Variants in ACVR2A observed in about 807,000 individuals in gnomAD.
ACVR2A encodes activin receptor type-2A.
ACVR2A carries 7 observed loss-of-function variants against 61.4 expected under a neutral mutation model. That is an observed-to-expected ratio of 0.11 (90% CI 0.06 to 0.21). The LOEUF (loss-of-function observed/expected upper bound fraction) is 0.21, where lower values mean the gene tolerates loss of function less well. Among genes scored for constraint, ACVR2A ranks in the 10% least tolerant of loss-of-function variants. The pLI is 1.00. For synonymous variants in ACVR2A, 193 were observed against 208.3 expected (o/e 0.93, Z 0.63); for missense variants, 322 against 621.7 (o/e 0.52, Z 5.13).
intron 8 of ACVR2A, among the ~76,000 whole-genome samples, chr2:147,920,648 C>T (rs573850104): frequency 2.0e-5 from 3 of 152,074 alleles, no homozygotes; most frequent in East Asian, 1.9e-4. Context: ...GTATGAACTC[C>T]GTAGTTTTAG....
At chr2:147,903,974 A>G (rs1338586870) in intron 4 of ACVR2A, among the ~76,000 whole-genome samples, 1 of 152,034 alleles carries the variant, frequency 6.6e-6, no homozygotes, top group South Asian at 2.1e-4. Context: ...GATTCCTTTA[A>G]TAAACATTCA....
intron 1 of ACVR2A, among the ~76,000 whole-genome samples, chr2:147,863,807 C>T (rs1041261617): frequency 6.6e-6 from 1 of 152,128 alleles, no homozygotes; most frequent in African/African-American, 2.4e-5. Flanking sequence ...AACTGAGTAA[C>T]AGAAGTTGTT....
At chr2:147,915,094 C>A in intron 4 of ACVR2A, 97 bp from the exon 5 acceptor site, 1 of 1,116,656 alleles carries the variant, frequency 9.0e-7, no homozygotes, top group South Asian at 1.4e-5. Context: ...CTGTTTCTGT[C>A]AGTTGACTTT....
At chr2:147,851,688 A>G (rs909734607) in intron 1 of ACVR2A, among the ~76,000 whole-genome samples, 2 of 152,044 alleles carry the variant, frequency 1.3e-5, no homozygotes, top group Admixed American at 6.6e-5. Context: ...CTGTTCATCT[A>G]ACACCTTGTA....
intron 1 of ACVR2A, among the ~76,000 whole-genome samples, chr2:147,858,708 G>C (rs1256771177): frequency 6.6e-6 from 1 of 152,134 alleles, no homozygotes; most frequent in African/African-American, 2.4e-5. Flanking sequence ...AGACATTTTT[G>C]TAAAGGGCCA....
chr2:147,919,871 A>C (rs1209343038), intron 7 of ACVR2A, among the ~76,000 whole-genome samples: 1 of 152,142 alleles, frequency 6.6e-6, no homozygotes, highest in Non-Finnish European at 1.5e-5. Context: ...TTTTGGTTTA[A>C]AATTTCTGTT....
intron 1 of ACVR2A, among the ~76,000 whole-genome samples, chr2:147,877,926 T>C (rs961354155): frequency 6.6e-6 from 1 of 152,234 alleles, no homozygotes; most frequent in Non-Finnish European, 1.5e-5. Context: ...ACTTTACATT[T>C]ATCATGCTGC....
chr2:147,856,393 G>T (rs1685574350), intron 1 of ACVR2A, among the ~76,000 whole-genome samples: 3 of 152,146 alleles, frequency 2.0e-5, no homozygotes, highest in Non-Finnish European at 4.4e-5. Flanking sequence ...AGCAGATAAA[G>T]CTAACCATCT....
chr2:147,858,550 T>C (rs1258160036), intron 1 of ACVR2A, among the ~76,000 whole-genome samples: 1 of 152,230 alleles, frequency 6.6e-6, no homozygotes, highest in Non-Finnish European at 1.5e-5. Context: ...GAGCTTTTTT[T>C]CACTTGTTTG....
At chr2:147,880,788 A>T (rs1161254101) in intron 1 of ACVR2A, among the ~76,000 whole-genome samples, 1 of 152,186 alleles carries the variant, frequency 6.6e-6, no homozygotes, top group East Asian at 1.9e-4. Flanking sequence ...ACAGCATTAG[A>T]TATTTGTTGA....
intron 1 of ACVR2A, among the ~76,000 whole-genome samples, chr2:147,885,331 T>C (rs530193459): frequency 3.4e-4 from 52 of 152,284 alleles, no homozygotes; most frequent in Admixed American, 9.8e-4. Context: ...TTGGAGAATA[T>C]AGAAGAGCTT....
chr2:147,869,596 G>T (rs1685960156), intron 1 of ACVR2A, among the ~76,000 whole-genome samples: 1 of 152,062 alleles, frequency 6.6e-6, no homozygotes, highest in Non-Finnish European at 1.5e-5. Flanking sequence ...AGAAAGCTGT[G>T]GCCTATGCTT....
At chr2:147,851,550 T>C (rs1194415549) in intron 1 of ACVR2A, among the ~76,000 whole-genome samples, 1 of 152,114 alleles carries the variant, frequency 6.6e-6, no homozygotes, top group Non-Finnish European at 1.5e-5. Flanking sequence ...TATATCAGTA[T>C]GGTGCCTTTG....
In ACVR2A at chr2:147,894,352, C is replaced by G. The variant is rs532715112; in HGVS notation, c.56-1949C>G. Among the ~76,000 whole-genome samples the G allele has an allele frequency of 3.3e-5, 5 of 152,142 alleles. No homozygotes were observed. In the South Asian group the frequency reaches 1.0e-3, roughly 32 times the overall value. On this transcript the variant is annotated intron_variant, in intron 1 of 10. Coordinates refer to ENST00000241416, the MANE Select transcript of ACVR2A (RefSeq NM_001616.5). The stretch of plus-strand genomic sequence containing the variant: ...AGAATTATTTTGGGTATTCCAGTTT[C>G]CTTGTTTTTCAAATAGACAAGACAT...
intron 9 of ACVR2A, chr2:147,925,581 AG>A (rs1398921061): frequency 6.6e-6 from 1 of 152,490 alleles, no homozygotes; most frequent in African/African-American, 2.4e-5. Context: ...TGGGGCATGC[AG>A]GGGGTTTGGA....
intron 5 of ACVR2A, among the ~76,000 whole-genome samples, chr2:147,915,615 C>T (rs978887312): frequency 6.6e-6 from 1 of 151,742 alleles, no homozygotes; most frequent in Non-Finnish European, 1.5e-5. Flanking sequence ...ATAAAGATTC[C>T]AATAAACAAG....
intron 1 of ACVR2A, among the ~76,000 whole-genome samples, chr2:147,861,920 A>C (rs1685735687): frequency 6.9e-6 from 1 of 145,510 alleles, no homozygotes; most frequent in African/African-American, 2.7e-5. Flanking sequence ...ATAGTTTTTT[A>C]AGTGATTTCA....
chr2:147,865,301 C>T (rs1369222955), intron 1 of ACVR2A, among the ~76,000 whole-genome samples: 2 of 152,224 alleles, frequency 1.3e-5, no homozygotes, highest in Non-Finnish European at 2.9e-5. Context: ...GGCTCCACAT[C>T]CGTACCTTTT....
In ACVR2A at chr2:147,881,600, TTA is replaced by T. The variant is rs1441788698; in HGVS notation, c.56-14700_56-14699del. The stretch of plus-strand genomic sequence containing the variant: ...TTTTTTTCTCCTCTCAAGAAGCTGC[TTA>T]GTGTGTGTGTGTGTGTGTGTGTGTG... On this transcript the variant is annotated intron_variant, in intron 1 of 10. Coordinates refer to ENST00000241416, the MANE Select transcript of ACVR2A (RefSeq NM_001616.5). 1.5e-4 allele frequency among the ~76,000 whole-genome samples: 17 copies of T among 116,338 alleles called. No homozygotes were observed. The East Asian group carries it at 3.6e-3, about 25-fold the overall frequency. 76.3% of individuals were successfully genotyped at this position (116,338 alleles called of 152,430 possible).
Sources: allele counts gnomAD v4.1 joint callset (sites outside exome capture counted in the v4.1 genomes callset), GRCh38; gene constraint gnomAD v4.1.1; transcripts MANE v1.5; gene names NCBI Gene and HGNC (gene_info 2026-07-23, HGNC 2026-07-21).